The following PCDH11X variants were observed in gnomAD, a reference collection of about 807,000 sequenced individuals.
PCDH11X encodes the protein protocadherin-11 X-linked.
PCDH11X carries 18 observed loss-of-function variants against 53.3 expected under a neutral mutation model. The observed-to-expected ratio is 0.34, with a 90% CI of 0.23 to 0.50. The LOEUF (loss-of-function observed/expected upper bound fraction) is 0.50, where lower values mean the gene tolerates loss of function less well. Ranked by LOEUF, PCDH11X falls within the 20% of genes least tolerant of loss-of-function variation. The pLI is 0.98. For missense variants in PCDH11X, 570 were observed against 1,032.4 expected (o/e 0.55, Z 6.14); for synonymous variants, 279 against 393.3 (o/e 0.71, Z 3.44).
chrX:92,078,385 T>C (rs776027810), intron 6 of PCDH11X, among the ~76,000 whole-genome samples: 1 of 111,747 alleles, frequency 8.9e-6, no homozygotes, highest in African/African-American at 3.2e-5. Context: ...CAACTTTTGC[T>C]CTACTTTTTG....
At chrX:92,606,996 C>G (rs1290146113) in intron 10 of PCDH11X, among the ~76,000 whole-genome samples, 1 of 110,554 alleles carries the variant, frequency 9.0e-6, no homozygotes, top group Non-Finnish European at 1.9e-5. Flanking sequence ...CCTAAGATTG[C>G]TGTAATAAAA....
At chrX:92,036,298 G>A (rs1490252512) in intron 6 of PCDH11X, among the ~76,000 whole-genome samples, 2 of 109,627 alleles carry the variant, frequency 1.8e-5, no homozygotes, top group African/African-American at 6.7e-5. Context: ...TTCTTCGGAT[G>A]GTCTTTGATA....
At chrX:92,126,118 ACT>A (rs894901056) in intron 6 of PCDH11X, among the ~76,000 whole-genome samples, 77 of 101,626 alleles carry the variant, frequency 7.6e-4, no homozygotes, top group African/African-American at 2.3e-3. Flanking sequence ...CAAGAATGAA[ACT>A]CTGTCTCAAA....
chrX:91,810,426 A>G (rs1936259366), intron 2 of PCDH11X, 47 bp from the exon 3 acceptor site: 1 of 111,833 alleles, frequency 8.9e-6, no homozygotes, highest in Non-Finnish European at 1.9e-5. Flanking sequence ...TTTAATTTAG[A>G]TTTGTGGTTT....
chrX:92,523,182 T>C (rs1475527348), intron 10 of PCDH11X, among the ~76,000 whole-genome samples: 1 of 112,270 alleles, frequency 8.9e-6, no homozygotes, highest in Non-Finnish European at 1.9e-5. Flanking sequence ...TCATATCTAT[T>C]TTTCTCAGCG....
intron 6 of PCDH11X, among the ~76,000 whole-genome samples, chrX:91,970,043 A>G (rs1206439882): frequency 1.8e-5 from 2 of 110,971 alleles, no homozygotes; most frequent in Non-Finnish European, 3.8e-5. Flanking sequence ...GTTGCAGACC[A>G]TCACAGTGAG....
At chrX:92,215,346 C>A (rs1167074093) in intron 7 of PCDH11X, among the ~76,000 whole-genome samples, 1 of 107,220 alleles carries the variant, frequency 9.3e-6, no homozygotes, top group African/African-American at 3.4e-5. Context: ...GTCACTCCCA[C>A]CCTAATACTG....
At chrX:92,471,967 G>A (rs1200256444) in intron 10 of PCDH11X, among the ~76,000 whole-genome samples, 2 of 108,742 alleles carry the variant, frequency 1.8e-5, no homozygotes, top group Non-Finnish European at 3.8e-5. Context: ...TTTTTTCTTT[G>A]TAATTTTTTT....
intron 1 of PCDH11X, among the ~76,000 whole-genome samples, chrX:91,802,121 GA>G (rs1387914920): frequency 2.7e-5 from 3 of 113,152 alleles, no homozygotes; most frequent in Non-Finnish European, 5.6e-5. Context: ...CACACATTAG[GA>G]AAGATGGAGT....
chrX:92,224,241 T>C (rs2066930100), intron 7 of PCDH11X, among the ~76,000 whole-genome samples: 1 of 112,142 alleles, frequency 8.9e-6, no homozygotes, highest in Non-Finnish European at 1.9e-5. Flanking sequence ...CAGTGATGCT[T>C]ATTTAGGCTG....
chrX:91,992,105 CCTT>C (rs1047653123), intron 6 of PCDH11X, among the ~76,000 whole-genome samples: 6 of 105,935 alleles, frequency 5.7e-5, no homozygotes, highest in African/African-American at 1.4e-4. Context: ...CTATTCTGCT[CCTT>C]ATTTTTTTTT....
chrX:92,384,437 G>A (rs1299701564), intron 8 of PCDH11X, among the ~76,000 whole-genome samples: 1 of 112,041 alleles, frequency 8.9e-6, no homozygotes, highest in East Asian at 2.8e-4. Flanking sequence ...TGCCTAGACA[G>A]AGCCGATTTA....
At chrX:92,239,530 A>G (rs931976522) in intron 7 of PCDH11X, among the ~76,000 whole-genome samples, 1 of 111,789 alleles carries the variant, frequency 8.9e-6, no homozygotes, top group Admixed American at 9.6e-5. Context: ...ATGAAATGAT[A>G]ACTTTTGTCC....
intron 6 of PCDH11X, among the ~76,000 whole-genome samples, chrX:92,070,243 T>C (rs2063678340): frequency 1.8e-5 from 2 of 111,400 alleles, no homozygotes; most frequent in South Asian, 7.5e-4. Context: ...TGGTTTTCTC[T>C]ATACTTACTA....
intron 7 of PCDH11X, among the ~76,000 whole-genome samples, chrX:92,209,329 G>A (rs751026823): frequency 4.5e-5 from 5 of 111,774 alleles, no homozygotes; most frequent in African/African-American, 9.7e-5. Flanking sequence ...TTGCATGTCC[G>A]AGATACAACG....
At chrX:92,431,332 A>AT (rs2072245666) in intron 9 of PCDH11X, among the ~76,000 whole-genome samples, 1 of 110,242 alleles carries the variant, frequency 9.1e-6, no homozygotes, top group South Asian at 3.8e-4. Context: ...GAAAAGGGGT[A>AT]TTTTTTTCCC....
intron 5 of PCDH11X, among the ~76,000 whole-genome samples, chrX:91,839,604 A>G (rs1367644242): frequency 1.8e-5 from 2 of 110,454 alleles, no homozygotes; most frequent in African/African-American, 6.6e-5. Context: ...ACTGTCTCCA[A>G]AAAAAATAAA....
At chrX:91,836,480 CAAAT>C (rs1410187185) in intron 5 of PCDH11X, among the ~76,000 whole-genome samples, 1 of 107,292 alleles carries the variant, frequency 9.3e-6, no homozygotes, top group African/African-American at 3.5e-5. Flanking sequence ...GATATGGTGC[CAAAT>C]AAATCTATTT....
At chrX:92,108,942 T>G (rs1302915390) in intron 6 of PCDH11X, among the ~76,000 whole-genome samples, 1 of 111,907 alleles carries the variant, frequency 8.9e-6, no homozygotes, top group African/African-American at 3.2e-5. Flanking sequence ...GCCCGCTGCC[T>G]AGACAGAGAC....
Sources: allele counts gnomAD v4.1 joint callset (sites outside exome capture counted in the v4.1 genomes callset), GRCh38; gene constraint gnomAD v4.1.1; transcripts MANE v1.5; gene names NCBI Gene and HGNC (gene_info 2026-07-23, HGNC 2026-07-21).